The following STAT4 variants were observed in gnomAD, a reference collection of about 807,000 sequenced individuals.
STAT4 encodes the protein signal transducer and activator of transcription 4.
Under a neutral mutation model 110.5 loss-of-function variants are expected in STAT4, and 42 were observed. The observed-to-expected ratio is 0.38, with a 90% CI of 0.30 to 0.49. The LOEUF is 0.49. Among genes scored for constraint, STAT4 ranks in the 20% least tolerant of loss-of-function variants. STAT4 has a pLI of 0.95. For missense variants in STAT4, 632 were observed against 887.9 expected (o/e 0.71, Z 3.66); for synonymous variants, 284 against 302.2 (o/e 0.94, Z 0.63).
chr2:191,127,014 G>T lies in STAT4; in HGVS notation c.273+19599C>A, dbSNP rs114136644. Among the ~76,000 whole-genome samples the T allele has an allele frequency of 7.7e-3, 1,167 of 151,910 alleles. 19 individuals carry two copies. Among genetic ancestry groups the T allele is most frequent in the African/African-American group, 0.026 (1,071 of 41,406 alleles). ...TTTTAATCTTTTTTGTAGAGATGGG[G>T]TCTCCTTATGTTGACCAGGCTGGAG... is the stretch of plus-strand genomic sequence containing the variant. On this transcript the variant is annotated intron_variant, in intron 3 of 23. Transcript: ENST00000392320.
Position 191,112,085 on chromosome 2 carries a change from C to T in STAT4, c.273+34528G>A, listed in dbSNP as rs919196214. Among the ~76,000 whole-genome samples the T allele has an allele frequency of 1.8e-4, 28 of 152,182 alleles. 1 individual carries two copies. Among genetic ancestry groups the T allele is most frequent in the Middle Eastern group, 3.4e-3 (1 of 294 alleles). On this transcript the variant is annotated intron_variant, in intron 3 of 23. Coordinates refer to ENST00000392320, the MANE Select transcript of STAT4 (RefSeq NM_003151.4). This position sits in a 1 kb window ranked among gnomAD's most constrained non-coding sequence, Gnocchi z 4.3. ...GTGATAATGGTTTCATGGGTATACA[C>T]TTATGTCAAAACTTGTCAGATTGTA...
chr2:191,072,131 A>G (rs1043438202), intron 5 of STAT4, among the ~76,000 whole-genome samples: 5 of 152,170 alleles, frequency 3.3e-5, no homozygotes, highest in African/African-American at 1.2e-4. Context: ...CGGGGGTCCA[A>G]AAAATGTTGG....
Position 191,031,315 on chromosome 2 carries a change from C to T in STAT4, c.2111+135G>A, listed in dbSNP as rs3024900. On this transcript the variant is annotated intron_variant, in intron 22 of 23. Coordinates refer to ENST00000392320, the MANE Select transcript of STAT4 (RefSeq NM_003151.4). The surrounding 1 kb of genome is among the most constrained non-coding windows in gnomAD (Gnocchi z 4.8). ...TGGTAAGTGTGCCCTGAAGGCTAGCCTTATGTATTAAAGGAAATGGGACAT... is the reference window on the plus strand; with the variant it reads ...TGGTAAGTGTGCCCTGAAGGCTAGCTTTATGTATTAAAGGAAATGGGACAT... 0.11 allele frequency: 111,580 copies of T among 1,018,630 alleles called. 6,592 individuals carry two copies. Among genetic ancestry groups the T allele is most frequent in the East Asian group, 0.18 (6,987 of 38,544 alleles). The allele number at this position is 1,018,630 out of a possible 1,614,324, so 63.1% of individuals were successfully genotyped here.
rs368460326 is a variant in STAT4, at chr2:191,043,316, C to A, written c.1252-2168G>T. The stretch of plus-strand genomic sequence containing the variant: ...AACAAACAAAAAAATCCCACAAAGA[C>A]GTCAAAAATAGAATAGAAAAGATAG... On this transcript the variant is annotated intron_variant, in intron 14 of 23. Transcript: ENST00000392320. The surrounding 1 kb of genome is among the most constrained non-coding windows in gnomAD (Gnocchi z 4.8). Among the ~76,000 whole-genome samples, 2 of 151,320 alleles carry A rather than the reference C, an allele frequency of 1.3e-5. No homozygotes were observed. The highest frequency in any genetic ancestry group is 2.9e-5 in the Non-Finnish European group (2 of 67,820).
Position 191,064,847 on chromosome 2 carries a change from C to G in STAT4, c.742G>C (p.Gly248Arg). Residue 248 changes from glycine (G) to arginine (R), a missense_variant, in exon 8 of 24, where the codon GGG becomes CGG. Gly to Arg is a moderately radical substitution (Grantham distance 125, BLOSUM62 -2). Coordinates refer to ENST00000392320, the MANE Select transcript of STAT4 (RefSeq NM_003151.4). ...WKRRQQIACI[G>R]GPLHNGLDQL... ...TCGAGCCCATTGTGGAGTGGACCCC[C>G]GATGCAGGCGATTTGCTGCCGCCGC... The G allele has an allele frequency of 6.2e-7, 1 of 1,613,382 alleles. No homozygotes were observed. The highest frequency in any genetic ancestry group is 1.1e-5 in the South Asian group (1 of 91,018).
upstream of STAT4, chr2:191,151,411 A>T: frequency 1.0e-6 from 1 of 985,612 alleles, no homozygotes; most frequent in South Asian, 4.7e-5. This position sits in a 1 kb window ranked among gnomAD's most constrained non-coding sequence, Gnocchi z 4.7. Context: ...CTGGGATGGA[A>T]GGGATGGGTA....
rs1046569144 is a variant in STAT4, at chr2:191,077,926, G to T, written c.274-1601C>A. Among the ~76,000 whole-genome samples the T allele has an allele frequency of 1.3e-5, 2 of 151,868 alleles. No individual in the cohort carries two copies. The highest frequency in any genetic ancestry group is 4.8e-5 in the African/African-American group (2 of 41,358). On this transcript the variant is annotated intron_variant, in intron 3 of 23. Coordinates refer to ENST00000392320, the MANE Select transcript of STAT4 (RefSeq NM_003151.4). The surrounding 1 kb of genome is among the most constrained non-coding windows in gnomAD (Gnocchi z 4.1). ...AAAAATGATCCTATTTATGAAGCGG[G>T]GATACCATTTTTTCCATTTCCGTGT...
intron 3 of STAT4, among the ~76,000 whole-genome samples, chr2:191,095,651 A>G (rs1218343804): frequency 1.3e-5 from 2 of 152,234 alleles, no homozygotes; most frequent in Non-Finnish European, 2.9e-5. Flanking sequence ...AATGCTCACA[A>G]GATAAAGCAG....
chr2:191,133,053 G>A (rs1186210284), intron 3 of STAT4, among the ~76,000 whole-genome samples: 1 of 150,968 alleles, frequency 6.6e-6, no homozygotes, highest in Non-Finnish European at 1.5e-5. Flanking sequence ...TGCGCCTGGC[G>A]GTTTTCATAG....
At chr2:191,103,549 C>A (rs1478823120) in intron 3 of STAT4, among the ~76,000 whole-genome samples, 1 of 151,992 alleles carries the variant, frequency 6.6e-6, no homozygotes, top group African/African-American at 2.4e-5. Flanking sequence ...TATCAGAATC[C>A]ATAAAAGCAA....
chr2:191,098,141 AG>A (rs1304867425), intron 3 of STAT4, among the ~76,000 whole-genome samples: 2 of 152,244 alleles, frequency 1.3e-5, no homozygotes, highest in Non-Finnish European at 2.9e-5. Context: ...GTGGAGAAAT[AG>A]GAACACTTTT....
intron 3 of STAT4, among the ~76,000 whole-genome samples, chr2:191,100,661 C>A (rs1369183539): frequency 6.6e-6 from 1 of 152,050 alleles, no homozygotes; most frequent in Non-Finnish European, 1.5e-5. Flanking sequence ...CCCCTCAGTA[C>A]CTTGCTCATT....
chr2:191,054,801 A>T, intron 13 of STAT4, among the ~76,000 whole-genome samples: 2 of 152,204 alleles, frequency 1.3e-5, no homozygotes, highest in East Asian at 3.8e-4. Context: ...GAAAAAGGAA[A>T]TCATGCTGGG....
chr2:191,058,352 C>T lies in STAT4; in HGVS notation c.1095-133G>A. The T allele has an allele frequency of 1.1e-6, 1 of 922,256 alleles. No individual in the cohort carries two copies. The highest frequency in any genetic ancestry group is 1.6e-6 in the Non-Finnish European group (1 of 623,184). The allele number at this position is 922,256 out of a possible 1,614,324, so 57.1% of individuals were successfully genotyped here. ...TCGCTCTGTCGTCCAGGCTGGAGTG[C>T]AGTGGTGCAATCTTGGCTCACTACA... On this transcript the variant is annotated intron_variant, in intron 11 of 23. Transcript: ENST00000392320. The surrounding 1 kb of genome is among the most constrained non-coding windows in gnomAD (Gnocchi z 4.3).
At position 191,135,519 on chromosome 2, in the gene STAT4, G is replaced by T. The variant is rs867749740; in HGVS notation, c.273+11094C>A. ...GATGGAGTCTCACTCTGTCGCCCAGGCTGGAGTGCAGTGGCGTGATCTCAG... is the reference window on the plus strand; with the variant it reads ...GATGGAGTCTCACTCTGTCGCCCAGTCTGGAGTGCAGTGGCGTGATCTCAG... On this transcript the variant is annotated intron_variant, in intron 3 of 23. Coordinates refer to ENST00000392320, the MANE Select transcript of STAT4 (RefSeq NM_003151.4). The surrounding 1 kb of genome is among the most constrained non-coding windows in gnomAD (Gnocchi z 4.8). Among the ~76,000 whole-genome samples the T allele has an allele frequency of 2.0e-5, 3 of 152,180 alleles. No homozygotes were observed. The highest frequency in any genetic ancestry group is 7.2e-5 in the African/African-American group (3 of 41,448).
At position 191,045,640 on chromosome 2, in the gene STAT4, A is replaced by G. The variant is rs555655019; in HGVS notation, c.1252-4492T>C. 3.3e-5 allele frequency among the ~76,000 whole-genome samples: 5 copies of G among 152,362 alleles called. No homozygotes were observed. In the South Asian group the frequency reaches 6.2e-4, roughly 19 times the overall value. On this transcript the variant is annotated intron_variant, in intron 14 of 23. Transcript: ENST00000392320. ...GTTTGCATTTGAAATCAGAAATAAT[A>G]AAAACAGTCTAATGTGATGATATGA... is the stretch of plus-strand genomic sequence containing the variant.
At chr2:191,141,264 A>G (rs1699313617) in intron 3 of STAT4, among the ~76,000 whole-genome samples, 1 of 151,898 alleles carries the variant, frequency 6.6e-6, no homozygotes, top group South Asian at 2.1e-4. Context: ...TTTAAAAGAC[A>G]TACAAATAGT....
Position 191,061,524 on chromosome 2 carries a change from C to T in STAT4, c.1034+205G>A, listed in dbSNP as rs1696848281. Among the ~76,000 whole-genome samples, 1 of 152,162 alleles carries T rather than the reference C, an allele frequency of 6.6e-6. No individual in the cohort carries two copies. The highest frequency in any genetic ancestry group is 6.5e-5 in the Admixed American group (1 of 15,272). The stretch of plus-strand genomic sequence containing the variant: ...CTTTCAGGCTAATATCCCTTATGTC[C>T]TCATCTGCACTGTCATGCTCTTGAC... On this transcript the variant is annotated intron_variant, in intron 10 of 23. Transcript: ENST00000392320. This position sits in a 1 kb window ranked among gnomAD's most constrained non-coding sequence, Gnocchi z 6.2.
intron 3 of STAT4, among the ~76,000 whole-genome samples, chr2:191,141,911 C>T (rs1699346078): frequency 6.6e-6 from 1 of 151,982 alleles, no homozygotes; most frequent in Non-Finnish European, 1.5e-5. Context: ...CCTAGAATGG[C>T]TATTTTTAAA....
Sources: gnomAD v4.1 joint callset for allele counts (sites outside exome capture counted in the v4.1 genomes callset) on GRCh38, gnomAD v4.1.1 for gene constraint, Gnocchi (gnomAD v3.1) non-coding constraint, MANE v1.5 for transcripts, NCBI Gene and HGNC (gene_info 2026-07-23, HGNC 2026-07-21) for gene names.